The following IL1R1 variants were observed in gnomAD, a reference collection of about 807,000 sequenced individuals.
IL1R1 encodes the protein interleukin-1 receptor type 1.
In IL1R1, 22 loss-of-function variants were observed where a neutral mutation model predicts 50.2. That is an observed-to-expected ratio of 0.44 (90% CI 0.31 to 0.63). IL1R1 has a LOEUF of 0.63. Among genes scored for constraint, IL1R1 ranks in the 20% least tolerant of loss-of-function variants. The pLI, the probability that IL1R1 is intolerant of heterozygous loss-of-function variation, is 0.07. For synonymous variants in IL1R1, 251 were observed against 236.7 expected, an observed-to-expected ratio of 1.06 and a Z score of -0.55; for missense variants, 509 against 676.2, an observed-to-expected ratio of 0.75 and a Z score of 2.74.
rs1318057750 is a variant in IL1R1 at position 102,172,040 on chromosome 2, T to C, written c.839+122T>C. ...TCCTAACCTTTGCTGCCTTTTTTTT[T>C]TTTTTTTTTTTTTTTTGCTAAGCTA... On this transcript the variant is annotated intron_variant, in intron 8 of 11. Transcript: ENST00000410023. 188 of 430,548 alleles carry C rather than the reference T, an allele frequency of 4.4e-4. 1 individual carries two copies. The highest frequency in any genetic ancestry group is 7.2e-4 in the South Asian group (10 of 13,864). 26.7% of individuals were successfully genotyped at this position (430,548 alleles called of 1,614,324 possible).
chr2:102,109,740 A>T (rs796379006), intron 1 of IL1R1, among the ~76,000 whole-genome samples: 7 of 152,242 alleles, frequency 4.6e-5, no homozygotes, highest in African/African-American at 1.7e-4. Flanking sequence ...ACACCAACCT[A>T]GACTCGATGG....
At position 102,176,977 on chromosome 2, in the gene IL1R1, G is replaced by C; in HGVS notation, c.*218G>C. The C allele has an allele frequency of 1.9e-6, 1 of 531,624 alleles. No homozygotes were observed. The highest frequency in any genetic ancestry group is 2.7e-5 in the South Asian group (1 of 37,332). The allele number at this position is 531,624 out of a possible 1,614,324, so 32.9% of individuals were successfully genotyped here. A position where few individuals can be genotyped will look rare whatever the true frequency, so the allele number is the denominator to read the frequency against. ...AGGGCTTGGGAAGATCTTTTAAAAA[G>C]GCAGTAGGCCCGGTGTGGTGGCTCA... On this transcript the variant is annotated 3_prime_UTR_variant, in exon 12 of 12. Transcript: ENST00000410023.
At chr2:102,100,460 C>G (rs2104335233), upstream of IL1R1, among the ~76,000 whole-genome samples, 1 of 152,328 alleles carries the variant, frequency 6.6e-6, no homozygotes, top group Middle Eastern at 3.4e-3. Flanking sequence ...GGTGTTTATA[C>G]ATGTATCCAA....
chr2:102,170,700 T>A (rs1426255416), intron 7 of IL1R1, among the ~76,000 whole-genome samples: 2 of 152,090 alleles, frequency 1.3e-5, no homozygotes, highest in African/African-American at 4.8e-5. Context: ...TATGTGGAAT[T>A]TATAAGAGAG....
Position 102,090,905 on chromosome 2 carries a change from C to T in IL1R1, c.-84+20372C>T, listed in dbSNP as rs141163233. Among the ~76,000 whole-genome samples the T allele has an allele frequency of 6.7e-3, 1,020 of 152,192 alleles. 5 individuals are homozygous for T. Among genetic ancestry groups the T allele is most frequent in the African/African-American group, 0.019 (786 of 41,522 alleles). On this transcript the variant is annotated intron_variant, in intron 1 of 11. Coordinates refer to the IL1R1 transcript ENST00000409929. ...GTGTATGAGAGGACAATAGAGGCTTCGGCTAATGTTATTAATGATCAGGGA... is the reference window on the plus strand; with the variant it reads ...GTGTATGAGAGGACAATAGAGGCTTTGGCTAATGTTATTAATGATCAGGGA...
chr2:102,146,418 T>C (rs1204034623), intron 1 of IL1R1, among the ~76,000 whole-genome samples: 1 of 152,184 alleles, frequency 6.6e-6, no homozygotes, highest in Non-Finnish European at 1.5e-5. Context: ...AAAAGCAATT[T>C]GTATTAAAAT....
intron 7 of IL1R1, among the ~76,000 whole-genome samples, chr2:102,171,414 T>C (rs1685662983): frequency 1.3e-5 from 2 of 152,220 alleles, no homozygotes; most frequent in South Asian, 4.1e-4. Flanking sequence ...ATTAAAATAT[T>C]AATCATAATA....
intron 1 of IL1R1, among the ~76,000 whole-genome samples, chr2:102,137,523 G>A (rs1682413867): frequency 6.6e-6 from 1 of 152,158 alleles, no homozygotes; most frequent in African/African-American, 2.4e-5. Context: ...TATACATGTG[G>A]CTCGAGCTTC....
intron 1 of IL1R1, among the ~76,000 whole-genome samples, chr2:102,084,688 T>A (rs150096382): frequency 6.6e-6 from 1 of 152,360 alleles, no homozygotes; most frequent in East Asian, 1.9e-4. Flanking sequence ...AATATAGGGC[T>A]GCTATGAGTA....
At chr2:102,173,895 G>GT (rs1346575229) in intron 9 of IL1R1, among the ~76,000 whole-genome samples, 8 of 152,154 alleles carry the variant, frequency 5.3e-5, no homozygotes, top group Non-Finnish European at 1.0e-4. Flanking sequence ...ACTTAAGACC[G>GT]TAAGTGTGAA....
chr2:102,163,706 C>T (rs900121111), intron 3 of IL1R1, among the ~76,000 whole-genome samples: 5 of 152,006 alleles, frequency 3.3e-5, no homozygotes, highest in Non-Finnish European at 5.9e-5. Flanking sequence ...TTTGACTGAT[C>T]GATTTTTTTC....
Position 102,159,060 on chromosome 2 carries a change from C to T in IL1R1, c.61+1275C>T, listed in dbSNP as rs184617264. Reference sequence around the variant, plus strand: ...CTCAGGGAATTTTGGCCTGCGCAAACGCAAGGTGAAATTGCCATTGATGAG... The same window carrying T: ...CTCAGGGAATTTTGGCCTGCGCAAATGCAAGGTGAAATTGCCATTGATGAG... On this transcript the variant is annotated intron_variant, in intron 3 of 11. Coordinates refer to ENST00000410023, the MANE Select transcript of IL1R1 (RefSeq NM_000877.4). Among the ~76,000 whole-genome samples the T allele has an allele frequency of 1.2e-4, 19 of 152,226 alleles. No individual in the cohort carries two copies. The East Asian group carries it at 2.3e-3, about 19-fold the overall frequency.
chr2:102,152,223 G>A (rs1408122147), intron 1 of IL1R1, among the ~76,000 whole-genome samples: 1 of 151,854 alleles, frequency 6.6e-6, no homozygotes, highest in Non-Finnish European at 1.5e-5. Context: ...AAGAGTGTGG[G>A]GGCCAGGTGC....
intron 1 of IL1R1, among the ~76,000 whole-genome samples, chr2:102,110,918 G>A (rs912914617): frequency 1.3e-5 from 2 of 152,136 alleles, no homozygotes; most frequent in African/African-American, 4.8e-5. Context: ...AGGGAGCCAC[G>A]GTCCGTGTTA....
upstream of IL1R1, among the ~76,000 whole-genome samples, chr2:102,102,404 T>G (rs1680180813): frequency 6.6e-6 from 1 of 152,170 alleles, no homozygotes; most frequent in South Asian, 2.1e-4. Context: ...TTTTCTCACC[T>G]GTAAAATGGG....
intron 1 of IL1R1, among the ~76,000 whole-genome samples, chr2:102,084,995 CTT>C (rs1290894012): frequency 6.6e-6 from 1 of 152,314 alleles, no homozygotes; most frequent in East Asian, 1.9e-4. Context: ...CAGTTGAACA[CTT>C]TTTCAAATTA....
chr2:102,139,386 A>C (rs1244412207), upstream of IL1R1, among the ~76,000 whole-genome samples: 1 of 152,226 alleles, frequency 6.6e-6, no homozygotes, highest in Non-Finnish European at 1.5e-5. Context: ...CATGTTGGAC[A>C]CGGGGGCTTT....
chr2:102,090,845 G>A (rs897762276), intron 1 of IL1R1, among the ~76,000 whole-genome samples: 11 of 151,804 alleles, frequency 7.2e-5, no homozygotes, highest in Admixed American at 2.6e-4. Context: ...ATATTTTCTC[G>A]TCTCTGTGGT....
intron 1 of IL1R1, among the ~76,000 whole-genome samples, chr2:102,108,600 T>G (rs1309940982): frequency 6.6e-6 from 1 of 151,886 alleles, no homozygotes; most frequent in Admixed American, 6.6e-5. Flanking sequence ...CCCAGTTCTG[T>G]GGAGAAAAGA....
Sources: allele counts gnomAD v4.1 joint callset (sites outside exome capture counted in the v4.1 genomes callset), GRCh38; gene constraint gnomAD v4.1.1; transcripts MANE v1.5; gene names NCBI Gene and HGNC (gene_info 2026-07-23, HGNC 2026-07-21).